The following SNRNP40 variants were observed in gnomAD, a reference collection of about 807,000 sequenced individuals.
SNRNP40 encodes U5 small nuclear ribonucleoprotein 40 kDa protein.
In SNRNP40, 21 loss-of-function variants were observed where a neutral mutation model predicts 45.8. The ratio of observed to expected loss-of-function variants is 0.46; its 90% CI spans 0.32 to 0.66. The LOEUF is 0.66. Ranked by LOEUF, SNRNP40 falls within the 30% of genes least tolerant of loss-of-function variation. The probability of loss-of-function intolerance (pLI) is 0.03; values close to 1 mark genes in which losing one functional copy is unlikely to be tolerated. For missense variants in SNRNP40, 344 were observed against 439.1 expected, an observed-to-expected ratio of 0.78 and a Z score of 1.94; for synonymous variants, 142 against 163.8, an observed-to-expected ratio of 0.87 and a Z score of 1.01.
At chr1:31,264,759 G>C (rs974423157) in intron 8 of SNRNP40, among the ~76,000 whole-genome samples, 3 of 152,172 alleles carry the variant, frequency 2.0e-5, no homozygotes, top group African/African-American at 7.2e-5. Flanking sequence ...TTTCAAGTTT[G>C]AATATGAGGA....
intron 4 of SNRNP40, among the ~76,000 whole-genome samples, chr1:31,287,861 G>A (rs190483532): frequency 1.3e-5 from 2 of 152,284 alleles, no homozygotes; most frequent in Admixed American, 1.3e-4. Context: ...AGCTGGGCGT[G>A]GTATGGGTCC....
intron 8 of SNRNP40, among the ~76,000 whole-genome samples, chr1:31,264,139 T>C (rs541490351): frequency 1.3e-5 from 2 of 152,164 alleles, no homozygotes; most frequent in Admixed American, 6.6e-5. Context: ...CATTCACCAG[T>C]ACTGGATTAT....
At position 31,281,367 on chromosome 1, in the gene SNRNP40, A is replaced by G. The variant is rs756448442; in HGVS notation, c.654+7T>C. 2.9e-5 allele frequency: 46 copies of G among 1,584,262 alleles called. No individual in the cohort carries two copies. Among genetic ancestry groups the G allele is most frequent in the African/African-American group, 6.7e-5 (5 of 74,600 alleles). On this transcript the variant is annotated splice_region_variant and intron_variant, in intron 5 of 9. Transcript: ENST00000263694. Reference sequence around the variant, plus strand: ...AAATGGAAATATATCATAAACATCAAACATACCTTGATATCATTGTCTATT... The same window carrying G: ...AAATGGAAATATATCATAAACATCAGACATACCTTGATATCATTGTCTATT...
intron 1 of SNRNP40, among the ~76,000 whole-genome samples, chr1:31,294,448 A>ATATT (rs35334975): frequency 0.44 from 65,511 of 148,888 alleles, 17,774 homozygotes; most frequent in Non-Finnish European, 0.61. Flanking sequence ...CAGCATTTTC[A>ATATT]TATTTATTTA....
chr1:31,267,933 C>A lies in SNRNP40; in HGVS notation c.859-1G>T. ...GTGACCAAGAACATCTCAGAAGGTT[C>A]TATGATAAACAAGAATCCACTGAAT... On this transcript the variant is annotated splice_acceptor_variant, in intron 7 of 9. Coordinates refer to ENST00000263694, the MANE Select transcript of SNRNP40 (RefSeq NM_004814.3). LOFTEE classifies it high-confidence loss of function. The A allele has an allele frequency of 6.2e-7, 1 of 1,610,224 alleles. No individual in the cohort carries two copies. Among genetic ancestry groups the A allele is most frequent in the South Asian group, 1.1e-5 (1 of 90,970 alleles).
At chr1:31,260,722 T>C (rs1391188971) in intron 9 of SNRNP40, among the ~76,000 whole-genome samples, 1 of 150,150 alleles carries the variant, frequency 6.7e-6, no homozygotes, top group Non-Finnish European at 1.5e-5. Flanking sequence ...ATTAGGCAGG[T>C]GTGGTGGTGG....
At position 31,281,449 on chromosome 1, in the gene SNRNP40, C is replaced by G; in HGVS notation, c.579G>C (p.Thr193=). The G allele has an allele frequency of 6.2e-7, 1 of 1,608,902 alleles. No individual in the cohort carries two copies. Among genetic ancestry groups the G allele is most frequent in the Non-Finnish European group, 8.5e-7 (1 of 1,175,530 alleles). The part of the protein sequence containing the change: ...KKAAIQTFQN[T]YQVLAVTFND... ...TGAAGGTCACAGCTAACACCTGGTA[C>G]GTGTTCTGAAATGTCTGGATGGCTG... is the stretch of plus-strand genomic sequence containing the variant. Residue 193 remains threonine (T), a synonymous_variant, in exon 5 of 10, where the codon ACG becomes ACC. Transcript: ENST00000263694.
chr1:31,291,766 T>C (rs927786446), intron 3 of SNRNP40, 147 bp downstream of exon 3: 2 of 613,960 alleles, frequency 3.3e-6, no homozygotes, highest in Non-Finnish European at 5.9e-6. Flanking sequence ...AACACCTCAC[T>C]TGGGGTGACA....
intron 8 of SNRNP40, 101 bp downstream of exon 8, chr1:31,267,770 G>A (rs1645909479): frequency 1.2e-6 from 1 of 828,306 alleles, no homozygotes; most frequent in Non-Finnish European, 2.1e-6. Context: ...GACCTCAGGT[G>A]ATCTGCCCGC....
intron 2 of SNRNP40, 50 bp downstream of exon 2, chr1:31,293,169 A>G: frequency 6.2e-7 from 1 of 1,603,966 alleles, no homozygotes; most frequent in Non-Finnish European, 8.5e-7. Flanking sequence ...AAAAAAAAAA[A>G]TCACTATCTG....
Position 31,291,288 on chromosome 1 carries a change from C to CAAAAAAAA in SNRNP40, c.365+617_365+624dup, listed in dbSNP as rs55857301. Among the ~76,000 whole-genome samples the CAAAAAAAA allele has an allele frequency of 3.3e-4, 43 of 128,682 alleles. 3 individuals are homozygous for CAAAAAAAA. Among genetic ancestry groups the CAAAAAAAA allele is most frequent in the African/African-American group, 9.1e-4 (32 of 35,124 alleles). 84.4% of individuals were successfully genotyped at this position (128,682 alleles called of 152,430 possible). A position where few individuals can be genotyped will look rare whatever the true frequency, so the allele number is the denominator to read the frequency against. On this transcript the variant is annotated intron_variant, in intron 3 of 9. Transcript: ENST00000263694. ...GGGCAACAAGAGTGAAATTCCGTCTCAAAAAAAAAAAATTAACACTGATTA... is the reference window on the plus strand; with the variant it reads ...GGGCAACAAGAGTGAAATTCCGTCTCAAAAAAAAAAAAAAAAAAAATTAACACTGATTA...
chr1:31,294,322 T>C (rs892637358), intron 1 of SNRNP40, among the ~76,000 whole-genome samples: 13 of 152,212 alleles, frequency 8.5e-5, no homozygotes, highest in Non-Finnish European at 1.5e-4. Flanking sequence ...GTTTTGATTA[T>C]GGTCTTGGAC....
intron 9 of SNRNP40, chr1:31,260,933 T>A: frequency 1.1e-6 from 1 of 905,776 alleles, no homozygotes; most frequent in Non-Finnish European, 1.4e-6. Context: ...TGGAAGTAAA[T>A]TTAAAAAAAA....
At chr1:31,262,880 T>TGGG (rs1645869822) in intron 8 of SNRNP40, among the ~76,000 whole-genome samples, 1 of 151,926 alleles carries the variant, frequency 6.6e-6, no homozygotes, top group South Asian at 2.1e-4. Flanking sequence ...TGCATGCCTG[T>TGGG]GGTCCCAGCT....
intron 4 of SNRNP40, among the ~76,000 whole-genome samples, chr1:31,288,310 G>C (rs755651226): frequency 1.3e-5 from 2 of 152,156 alleles, no homozygotes; most frequent in Non-Finnish European, 2.9e-5. Context: ...GTGTCAAAGA[G>C]AGAATCAAAT....
chr1:31,273,086 C>A (rs972711948), intron 5 of SNRNP40, among the ~76,000 whole-genome samples: 1 of 152,114 alleles, frequency 6.6e-6, no homozygotes, highest in Non-Finnish European at 1.5e-5. Context: ...TGTGTGGAGC[C>A]CAACACATTT....
chr1:31,263,019 G>A (rs1306980776), intron 8 of SNRNP40, among the ~76,000 whole-genome samples: 1 of 150,580 alleles, frequency 6.6e-6, no homozygotes, highest in African/African-American at 2.4e-5. Flanking sequence ...AAAAAATTAT[G>A]TTTTTTTTCA....
intron 1 of SNRNP40, among the ~76,000 whole-genome samples, chr1:31,295,389 T>C (rs1001265768): frequency 3.3e-5 from 5 of 152,072 alleles, no homozygotes; most frequent in Non-Finnish European, 5.9e-5. Context: ...GGTTCCACAG[T>C]ATGTGGTACT....
At chr1:31,281,708 C>T (rs1047387296) in intron 4 of SNRNP40, 1 of 381,214 alleles carries the variant, frequency 2.6e-6, no homozygotes, top group Non-Finnish European at 4.7e-6. Flanking sequence ...AACAAAACTT[C>T]GGTTATATTT....
Sources: allele counts gnomAD v4.1 joint callset (sites outside exome capture counted in the v4.1 genomes callset), GRCh38; gene constraint gnomAD v4.1.1; transcripts MANE v1.5; gene names NCBI Gene and HGNC (gene_info 2026-07-23, HGNC 2026-07-21).